The following NR2C1 variants were observed in gnomAD, a reference collection of about 807,000 sequenced individuals.
The protein encoded by NR2C1 is TR2 nuclear hormone receptor.
In NR2C1, 33 loss-of-function variants were observed where a neutral mutation model predicts 74.8. That is an observed-to-expected ratio of 0.44 (90% confidence interval 0.33 to 0.59). The LOEUF (loss-of-function observed/expected upper bound fraction) is 0.59. NR2C1 is among the 20% of genes least tolerant of loss of function. NR2C1 has a pLI of 0.02. For synonymous variants in NR2C1, 225 were observed against 240.6 expected (o/e 0.94, Z 0.60); for missense variants, 568 against 715.6 (o/e 0.79, Z 2.35).
Position 95,025,153 on chromosome 12 carries a change from T to C in NR2C1, c.1634A>G (p.Tyr545Cys). Residue 545 changes from tyrosine (Y) to cysteine (C), a missense_variant, in exon 13 of 14, where the codon TAC becomes TGC. Physicochemically the swap from Tyr to Cys is radical, Grantham distance 194. Coordinates refer to ENST00000333003, the MANE Select transcript of NR2C1 (RefSeq NM_003297.4). The part of the protein sequence containing the change: ...YITKTYPDDT[Y>C]RLSRLLLRLP... ...TATAGAATTTAACTCTAGATACCTG[T>C]AGGTGTCATCTGGATATGTTTTGGT... The C allele has an allele frequency of 6.9e-7, 1 of 1,440,642 alleles. No individual in the cohort carries two copies. Among genetic ancestry groups the C allele is most frequent in the Non-Finnish European group, 9.7e-7 (1 of 1,033,284 alleles). The allele number at this position is 1,440,642 out of a possible 1,614,324, so 89.2% of individuals were successfully genotyped here.
rs1442969819 is a variant in NR2C1, at chr12:95,021,625, A to G, written c.*604T>C. On this transcript the variant is annotated 3_prime_UTR_variant, in exon 14 of 14. Coordinates refer to ENST00000333003, the MANE Select transcript of NR2C1 (RefSeq NM_003297.4). ...AAAATGGCAACTCTTAAGATCATGA[A>G]TGGCCTGTCTCACTGCCAGCAATGA... 6 of 152,094 alleles carry G rather than the reference A, an allele frequency of 3.9e-5. No homozygotes were observed. In the East Asian group the frequency reaches 1.2e-3, roughly 29 times the overall value. The allele number at this position is 152,094 out of a possible 1,614,324, so 9.4% of individuals were successfully genotyped here. A position where few individuals can be genotyped will look rare whatever the true frequency, so the allele number is the denominator to read the frequency against.
chr12:95,036,376 C>G (rs1330491955), intron 10 of NR2C1, among the ~76,000 whole-genome samples: 1 of 151,534 alleles, frequency 6.6e-6, no homozygotes, highest in Non-Finnish European at 1.5e-5. Flanking sequence ...AGTTCAAGAT[C>G]AGCCTGGACA....
chr12:95,057,423 T>A (rs1227527634), intron 7 of NR2C1, 130 bp downstream of exon 7: 88 of 661,578 alleles, frequency 1.3e-4, no homozygotes, highest in Admixed American at 3.7e-4. Context: ...CTAATTTATA[T>A]TAAAAAAAAA....
intron 7 of NR2C1, among the ~76,000 whole-genome samples, chr12:95,053,933 T>C (rs541850201): frequency 1.3e-5 from 2 of 152,124 alleles, no homozygotes; most frequent in African/African-American, 4.8e-5. Flanking sequence ...TCTGCCCGCC[T>C]TGGCCTCCCA....
At chr12:95,027,766 TA>T (rs56714903) in intron 12 of NR2C1, among the ~76,000 whole-genome samples, 19,062 of 152,086 alleles carry the variant, frequency 0.13, 1,963 homozygotes, top group African/African-American at 0.28. Context: ...CAATAGTTTT[TA>T]GTATGAATAT....
At chr12:95,033,153 A>G (rs970784890) in intron 10 of NR2C1, among the ~76,000 whole-genome samples, 1 of 152,050 alleles carries the variant, frequency 6.6e-6, no homozygotes, top group Admixed American at 6.6e-5. Context: ...TGTCTCAAAA[A>G]AAAAAAAAAA....
intron 10 of NR2C1, 48 bp downstream of exon 10, chr12:95,040,428 A>AT: frequency 6.4e-7 from 1 of 1,562,326 alleles, no homozygotes; most frequent in East Asian, 2.3e-5. Context: ...TTTAATGTAC[A>AT]TTTGCACTAC....
At chr12:95,060,281 A>C (rs576511539) in intron 3 of NR2C1, among the ~76,000 whole-genome samples, 4 of 152,372 alleles carry the variant, frequency 2.6e-5, no homozygotes, top group Non-Finnish European at 5.9e-5. Flanking sequence ...TGCTCGCTAT[A>C]CAAAGGTATG....
intron 5 of NR2C1, 137 bp downstream of exon 5, chr12:95,058,173 G>A: frequency 1.4e-6 from 1 of 740,124 alleles, no homozygotes. Context: ...ACATACGTAG[G>A]TCTGTATTCT....
At chr12:95,052,129 T>C (rs1873097091) in intron 7 of NR2C1, among the ~76,000 whole-genome samples, 186 bp from the exon 8 acceptor site, 1 of 152,108 alleles carries the variant, frequency 6.6e-6, no homozygotes, top group Admixed American at 6.6e-5. Context: ...ATCAAGTGTA[T>C]TTCTTAAGAA....
At chr12:95,067,438 CTTA>C (rs949650566) in intron 1 of NR2C1, 47 bp from the exon 2 acceptor site, 84 of 1,276,770 alleles carry the variant, frequency 6.6e-5, no homozygotes, top group Non-Finnish European at 9.3e-5. Context: ...ACAAAACACT[CTTA>C]TTAAATAATT....
chr12:95,067,814 C>T (rs760580996), intron 1 of NR2C1, among the ~76,000 whole-genome samples: 1 of 151,628 alleles, frequency 6.6e-6, no homozygotes, highest in African/African-American at 2.4e-5. Context: ...CTTCCTGTCT[C>T]GACCTCCCAA....
chr12:95,062,564 C>T lies in NR2C1; in HGVS notation c.229G>A (p.Ala77Thr). 6.2e-7 allele frequency: 1 copy of T among 1,613,726 alleles called. No individual in the cohort carries two copies. Residue 77 changes from alanine (A) to threonine (T), a missense_variant, in exon 3 of 14, where the codon GCA (alanine) becomes ACA (threonine). This residue lies in a region of NR2C1 where 128 missense variants were observed against 118.9 expected (regional missense o/e 1.08). Coordinates refer to ENST00000333003, the MANE Select transcript of NR2C1 (RefSeq NM_003297.4). ...GKVFLTTPDA[A>T]GVNQLFFTTP... ...GTAAAAAATAACTGGTTGACACCTGCTGCATCTGGAGTTGTAAGGAAAACT... is the reference window on the plus strand; with the variant it reads ...GTAAAAAATAACTGGTTGACACCTGTTGCATCTGGAGTTGTAAGGAAAACT...
At chr12:95,057,098 AT>A (rs1184465413) in intron 7 of NR2C1, among the ~76,000 whole-genome samples, 3,605 of 111,542 alleles carry the variant, frequency 0.032, 42 homozygotes, top group African/African-American at 0.069. Flanking sequence ...AACATTTCTG[AT>A]TTTTTTTTTT....
At position 95,057,638 on chromosome 12, in the gene NR2C1, G is replaced by C; in HGVS notation, c.698C>G (p.Thr233Arg). ...FVTDSESTRS[T>R]GLLDSGMFMN... ...GAACATTCCTGAATCTAACAGTCCT[G>C]TTGACCTGTAACAAATCAGCACAAA... Residue 233 changes from threonine to arginine, a missense_variant, in exon 7 of 14, where the codon ACA becomes AGA. Thr to Arg is a moderately conservative substitution (Grantham distance 71, BLOSUM62 -1). This residue lies in a region of NR2C1 where 239 missense variants were observed against 232.3 expected (regional missense o/e 1.03). Coordinates refer to ENST00000333003, the MANE Select transcript of NR2C1 (RefSeq NM_003297.4). The C allele has an allele frequency of 6.2e-7, 1 of 1,613,554 alleles. No individual in the cohort carries two copies.
intron 9 of NR2C1, 109 bp from the exon 10 acceptor site, chr12:95,040,706 C>A: frequency 9.8e-7 from 1 of 1,015,482 alleles, no homozygotes; most frequent in Admixed American, 2.8e-5. Context: ...CTAATATATT[C>A]ACAAAAAAAG....
chr12:95,056,942 G>C (rs1873985545), intron 7 of NR2C1, among the ~76,000 whole-genome samples: 1 of 141,320 alleles, frequency 7.1e-6, no homozygotes. Flanking sequence ...CTCGGCAACA[G>C]AGTGAGACTC....
chr12:95,068,732 T>C lies in NR2C1; in HGVS notation c.-7-1341A>G, dbSNP rs1876117073. On this transcript the variant is annotated intron_variant, in intron 1 of 13. Coordinates refer to ENST00000333003, the MANE Select transcript of NR2C1 (RefSeq NM_003297.4). Reference sequence around the variant, plus strand: ...TTACTTGAACCTGGGAGGCGGAGGTTGCGGTGAGCCGAGATTGCACCATTG... The same window carrying C: ...TTACTTGAACCTGGGAGGCGGAGGTCGCGGTGAGCCGAGATTGCACCATTG... Among the ~76,000 whole-genome samples, 3 of 151,224 alleles carry C rather than the reference T, an allele frequency of 2.0e-5. No individual in the cohort carries two copies. In the South Asian group the frequency reaches 6.3e-4, roughly 32 times the overall value.
At chr12:95,038,035 G>A (rs897151995) in intron 10 of NR2C1, among the ~76,000 whole-genome samples, 2 of 151,652 alleles carry the variant, frequency 1.3e-5, no homozygotes, top group African/African-American at 2.4e-5. Flanking sequence ...TAAGATCTAT[G>A]AATCATCTAG....
Sources: allele counts gnomAD v4.1 joint callset (sites outside exome capture counted in the v4.1 genomes callset), GRCh38; gene constraint gnomAD v4.1.1; regional missense constraint gnomAD v4.1.1; transcripts MANE v1.5; gene names NCBI Gene and HGNC (gene_info 2026-07-23, HGNC 2026-07-21).